The following XKR9 variants were observed in gnomAD, a reference collection of about 807,000 sequenced individuals.
The protein encoded by XKR9 is XK-related protein 9.
In XKR9, 32 loss-of-function variants were observed where a neutral mutation model predicts 32.0. The ratio of observed to expected loss-of-function variants is 1.00; its 90% CI spans 0.76 to 1.34. The LOEUF (loss-of-function observed/expected upper bound fraction) is 1.34, where lower values mean the gene tolerates loss of function less well. XKR9 is among the 40% of genes most tolerant of loss of function. XKR9 has a pLI of 0.00. For missense variants in XKR9, 546 were observed against 429.7 expected (o/e 1.27, Z -2.39); for synonymous variants, 168 against 143.4 (o/e 1.17, Z -1.22).
At chr8:70,871,496 A>G in the XKR9 span, among the ~76,000 whole-genome samples, 22,293 of 152,164 alleles carry the variant, frequency 0.15, 2,127 homozygotes, top group Middle Eastern at 0.22. Context: ...ATTATTATAT[A>G]GCTTCTATGG....
At chr8:70,892,249 T>G in the XKR9 span, among the ~76,000 whole-genome samples, 5 of 152,104 alleles carry the variant, frequency 3.3e-5, no homozygotes, top group Admixed American at 2.6e-4. Context: ...CCATTTACAT[T>G]CAAGATTATT....
At chr8:70,669,767 C>T (rs1818642562) in intron 1 of XKR9, among the ~76,000 whole-genome samples, 1 of 151,136 alleles carries the variant, frequency 6.6e-6, no homozygotes, top group African/African-American at 2.4e-5. Flanking sequence ...CCCGGGTTCA[C>T]GCCATCCTCC....
intron 3 of XKR9, 58 bp from the exon 4 acceptor site, chr8:70,706,875 A>T (rs1304789530): frequency 5.0e-6 from 7 of 1,390,732 alleles, no homozygotes; most frequent in African/African-American, 1.5e-5. Flanking sequence ...TATGTGTATT[A>T]ACAGACATGT....
the XKR9 span, among the ~76,000 whole-genome samples, chr8:71,025,631 C>A: frequency 7.9e-5 from 12 of 152,196 alleles, 1 homozygote; most frequent in Admixed American, 7.9e-4. Context: ...ATGTCCAAGG[C>A]TCCCTGATGG....
At chr8:70,818,801 G>T in the XKR9 span, among the ~76,000 whole-genome samples, 1 of 152,176 alleles carries the variant, frequency 6.6e-6, no homozygotes, top group Non-Finnish European at 1.5e-5. Context: ...AGGGAATTGG[G>T]TTACACACTG....
At chr8:70,873,821 G>T in the XKR9 span, among the ~76,000 whole-genome samples, 2 of 152,232 alleles carry the variant, frequency 1.3e-5, no homozygotes, top group African/African-American at 4.8e-5. Flanking sequence ...AAGTTCTATT[G>T]TGTATAAAAT....
the XKR9 span, among the ~76,000 whole-genome samples, chr8:70,845,663 C>G: frequency 6.6e-5 from 10 of 151,964 alleles, no homozygotes; most frequent in Non-Finnish European, 1.0e-4. Context: ...CATTCAAGAG[C>G]TTCAACAATA....
chr8:70,966,404 T>A, the XKR9 span, among the ~76,000 whole-genome samples: 2 of 152,112 alleles, frequency 1.3e-5, no homozygotes, highest in Non-Finnish European at 2.9e-5. Context: ...TGCACCACCA[T>A]GCCCAGCTAA....
At chr8:70,701,097 T>C (rs1407154272) in intron 3 of XKR9, among the ~76,000 whole-genome samples, 3 of 152,140 alleles carry the variant, frequency 2.0e-5, no homozygotes, top group Admixed American at 1.3e-4. Flanking sequence ...GTAACCCCTT[T>C]CTTTGACTAG....
chr8:70,805,301 C>A, the XKR9 span, among the ~76,000 whole-genome samples: 1 of 152,210 alleles, frequency 6.6e-6, no homozygotes, highest in African/African-American at 2.4e-5. Flanking sequence ...CACTCGTGTA[C>A]CCACGCCACT....
downstream of XKR9, among the ~76,000 whole-genome samples, chr8:70,739,825 G>T (rs1398764962): frequency 6.6e-6 from 1 of 152,164 alleles, no homozygotes; most frequent in Non-Finnish European, 1.5e-5. Flanking sequence ...TAGAGTTTCT[G>T]CCGAGAGATC....
At chr8:70,753,285 C>A (rs1209379464) in intron 2 of XKR9, among the ~76,000 whole-genome samples, 3 of 151,982 alleles carry the variant, frequency 2.0e-5, no homozygotes, top group South Asian at 4.2e-4. Flanking sequence ...AGCTTACCAA[C>A]CAAAAAGAGT....
At position 70,734,550 on chromosome 8, in the gene XKR9, A is replaced by G; in HGVS notation, c.*126A>G. On this transcript the variant is annotated 3_prime_UTR_variant, in exon 5 of 5. Coordinates refer to ENST00000408926, the MANE Select transcript of XKR9 (RefSeq NM_001011720.2). ...TAATTTGAAATTAGTTCAGTGAAAT[A>G]GGAGATACATAGTAGTATTTTATTT... is the stretch of plus-strand genomic sequence containing the variant. 8.1e-7 allele frequency: 1 copy of G among 1,239,948 alleles called. No homozygotes were observed. Among genetic ancestry groups the G allele is most frequent in the East Asian group, 2.8e-5 (1 of 35,144 alleles). The allele number at this position is 1,239,948 out of a possible 1,614,324, so 76.8% of individuals were successfully genotyped here. A position where few individuals can be genotyped will look rare whatever the true frequency, so the allele number is the denominator to read the frequency against.
At chr8:70,935,788 A>C in the XKR9 span, among the ~76,000 whole-genome samples, 1 of 152,080 alleles carries the variant, frequency 6.6e-6, no homozygotes, top group East Asian at 1.9e-4. Context: ...AGTGAGAAGA[A>C]GAATAATTCT....
At chr8:70,720,451 T>C (rs1806239270) in intron 4 of XKR9, among the ~76,000 whole-genome samples, 1 of 152,204 alleles carries the variant, frequency 6.6e-6, no homozygotes, top group Non-Finnish European at 1.5e-5. Flanking sequence ...TAAATAGCTC[T>C]TATTATTTTG....
In XKR9 at chr8:70,734,361, T is replaced by C; in HGVS notation, c.1059T>C (p.Cys353=). The change falls in exon 5 of 5, where the codon TGT becomes TGC. Residue 353 remains cysteine (C), a synonymous_variant. Coordinates refer to ENST00000408926, the MANE Select transcript of XKR9 (RefSeq NM_001011720.2). Reference sequence around the variant, plus strand: ...CAAACAGAAGTGCAGAAACAAAATGTGATGAAATTGATGGAAAACCAGTTC... The same window carrying C: ...CAAACAGAAGTGCAGAAACAAAATGCGATGAAATTGATGGAAAACCAGTTC... The part of the protein sequence containing the change: ...FHPNRSAETK[C]DEIDGKPVLR... 6.2e-7 allele frequency: 1 copy of C among 1,610,314 alleles called. No homozygotes were observed.
chr8:71,061,563 T>C, the XKR9 span, among the ~76,000 whole-genome samples: 1 of 152,190 alleles, frequency 6.6e-6, no homozygotes, highest in Non-Finnish European at 1.5e-5. Flanking sequence ...CACCAAATGG[T>C]TTCTTTCAAA....
the XKR9 span, among the ~76,000 whole-genome samples, chr8:70,851,037 C>T: frequency 1.6e-4 from 25 of 152,140 alleles, no homozygotes; most frequent in African/African-American, 4.8e-4. Context: ...AAAACCCCAT[C>T]GTCTCAGCCC....
At chr8:70,973,573 AC>A in the XKR9 span, among the ~76,000 whole-genome samples, 2 of 152,044 alleles carry the variant, frequency 1.3e-5, no homozygotes, top group African/African-American at 2.4e-5. Flanking sequence ...GCACTTTCAG[AC>A]TTTTTAATGT....
Sources: gnomAD v4.1 joint callset for allele counts (sites outside exome capture counted in the v4.1 genomes callset) on GRCh38, gnomAD v4.1.1 for gene constraint, MANE v1.5 for transcripts, NCBI Gene and HGNC (gene_info 2026-07-23, HGNC 2026-07-21) for gene names.